Variants in ZDHHC7 observed in about 807,000 individuals in gnomAD.
The protein encoded by ZDHHC7 is palmitoyltransferase ZDHHC7.
Under a neutral mutation model 34.1 loss-of-function variants are expected in ZDHHC7, and 12 were observed. The ratio of observed to expected loss-of-function variants is 0.35; its 90% confidence interval spans 0.23 to 0.57. The LOEUF (loss-of-function observed/expected upper bound fraction) is 0.57, where lower values mean the gene tolerates loss of function less well. Ranked by LOEUF, ZDHHC7 falls within the 20% of genes least tolerant of loss-of-function variation. The probability of loss-of-function intolerance (pLI) is 0.84; values close to 1 mark genes in which losing one functional copy is unlikely to be tolerated. For missense variants in ZDHHC7, 388 were observed against 402.7 expected (o/e 0.96, Z 0.31); for synonymous variants, 185 against 155.4 (o/e 1.19, Z -1.42).
At chr16:84,990,664 A>T in intron 2 of ZDHHC7, 29 bp from the exon 3 acceptor site, 1 of 1,569,326 alleles carries the variant, frequency 6.4e-7, no homozygotes, top group Non-Finnish European at 8.7e-7. Context: ...CAGAGCTGGT[A>T]AGGCTCAAAA....
intron 3 of ZDHHC7, among the ~76,000 whole-genome samples, chr16:84,985,065 T>A (rs1448829734): frequency 6.6e-6 from 1 of 152,220 alleles, no homozygotes; most frequent in Non-Finnish European, 1.5e-5. Context: ...TCTAAAACAC[T>A]TCTTGAATGT....
intron 1 of ZDHHC7, among the ~76,000 whole-genome samples, chr16:84,997,105 G>A (rs914388770): frequency 5.3e-5 from 8 of 151,624 alleles, no homozygotes; most frequent in Non-Finnish European, 8.8e-5. Context: ...TCCAGAACAC[G>A]CACAATGCAC....
At chr16:85,012,861 C>CCT (rs1567510794), upstream of ZDHHC7, among the ~76,000 whole-genome samples, 1 of 152,058 alleles carries the variant, frequency 6.6e-6, no homozygotes, top group African/African-American at 2.4e-5. Flanking sequence ...GGGCCGAGAT[C>CCT]GCGCCATTGC....
At chr16:85,008,030 C>T (rs956942143) in intron 1 of ZDHHC7, among the ~76,000 whole-genome samples, 9 of 151,906 alleles carry the variant, frequency 5.9e-5, no homozygotes, top group African/African-American at 2.2e-4. Flanking sequence ...TAGAAGAAAC[C>T]ACTTGAGCCC....
intron 2 of ZDHHC7, among the ~76,000 whole-genome samples, chr16:84,991,821 C>A (rs2072513309): frequency 6.6e-6 from 1 of 151,972 alleles, no homozygotes; most frequent in African/African-American, 2.4e-5. Context: ...TTAATCCATT[C>A]TTTTGCAAGC....
the ZDHHC7 span, among the ~76,000 whole-genome samples, chr16:85,021,973 G>A: frequency 2.7e-4 from 40 of 150,782 alleles, no homozygotes; most frequent in African/African-American, 7.8e-4. Context: ...TGGCCAACAC[G>A]GTGAAACCCT....
At chr16:84,987,569 C>T (rs1208817854) in intron 3 of ZDHHC7, among the ~76,000 whole-genome samples, 1 of 151,962 alleles carries the variant, frequency 6.6e-6, no homozygotes, top group Non-Finnish European at 1.5e-5. Flanking sequence ...CACAGAGTCA[C>T]CATATGTCCC....
Position 84,979,250 on chromosome 16 carries a change from T to C in ZDHHC7, c.476A>G (p.His159Arg), listed in dbSNP as rs1460042801. Residue 159 changes from histidine to arginine, a missense_variant, in exon 5 of 8, where the codon CAC becomes CGC. By Grantham distance (29) the His-to-Arg change is conservative. Coordinates refer to ENST00000313732, the MANE Select transcript of ZDHHC7 (RefSeq NM_017740.3). The stretch of plus-strand genomic sequence containing the variant: ...TACACAATTGTTCACCCACGGGCAG[T>C]GATGATCCATTTTCCGAATACATCT... The part of the protein sequence containing the change: ...CKRCIRKMDH[H>R]CPWVNNCVGE... 1 of 1,610,016 alleles carries C rather than the reference T, an allele frequency of 6.2e-7. No homozygotes were observed. The highest frequency in any genetic ancestry group is 8.5e-7 in the Non-Finnish European group (1 of 1,179,356).
upstream of ZDHHC7, among the ~76,000 whole-genome samples, chr16:85,013,748 G>A (rs1305785546): frequency 1.3e-5 from 2 of 152,056 alleles, no homozygotes; most frequent in African/African-American, 4.8e-5. Flanking sequence ...GAGTGCAGTG[G>A]TGTGATCTCA....
the ZDHHC7 span, among the ~76,000 whole-genome samples, chr16:85,022,675 C>T: frequency 6.6e-6 from 1 of 152,072 alleles, no homozygotes; most frequent in Admixed American, 6.6e-5. Flanking sequence ...CCACAAATTT[C>T]TGATTACTTA....
At chr16:85,007,195 A>G (rs941558696) in intron 1 of ZDHHC7, among the ~76,000 whole-genome samples, 12 of 151,962 alleles carry the variant, frequency 7.9e-5, no homozygotes, top group African/African-American at 2.7e-4. Flanking sequence ...AGGCCAAGGC[A>G]GGTGGATCAC....
intron 1 of ZDHHC7, among the ~76,000 whole-genome samples, chr16:85,000,330 CAGACCCTGTCT>C (rs1180379080): frequency 1.3e-5 from 2 of 152,246 alleles, no homozygotes; most frequent in East Asian, 3.9e-4. Flanking sequence ...TTCCTGAGTC[CAGACCCTGTCT>C]TGGATTTACT....
At chr16:85,022,645 A>G in the ZDHHC7 span, among the ~76,000 whole-genome samples, 1 of 152,192 alleles carries the variant, frequency 6.6e-6, no homozygotes, top group Non-Finnish European at 1.5e-5. Context: ...GGGTATCTAA[A>G]TAGTCTCAAA....
chr16:84,991,437 C>G (rs371535205), intron 2 of ZDHHC7, among the ~76,000 whole-genome samples: 1 of 151,450 alleles, frequency 6.6e-6, no homozygotes, highest in Non-Finnish European at 1.5e-5. Context: ...AGGCGCCCAC[C>G]ACCACACCTA....
At chr16:85,010,320 C>A (rs182519038) in intron 1 of ZDHHC7, among the ~76,000 whole-genome samples, 40 of 152,268 alleles carry the variant, frequency 2.6e-4, no homozygotes, top group Middle Eastern at 3.4e-3. Context: ...CGAGCCACCG[C>A]GTGCGTACCA....
chr16:84,976,212 G>A lies in ZDHHC7; in HGVS notation c.*131C>T. The A allele has an allele frequency of 1.7e-6, 2 of 1,156,304 alleles. No individual in the cohort carries two copies. The highest frequency in any genetic ancestry group is 2.5e-6 in the Non-Finnish European group (2 of 809,236). The allele number at this position is 1,156,304 out of a possible 1,614,324, so 71.6% of individuals were successfully genotyped here. On this transcript the variant is annotated 3_prime_UTR_variant, in exon 8 of 8. Coordinates refer to ENST00000313732, the MANE Select transcript of ZDHHC7 (RefSeq NM_017740.3). ...TGTGACTATAAATATATAAAACTCT[G>A]CTTGCTGCAAGCAATTGGTTTGTGT...
chr16:85,010,433 T>C (rs952972973), intron 1 of ZDHHC7, among the ~76,000 whole-genome samples: 10 of 152,184 alleles, frequency 6.6e-5, no homozygotes, highest in African/African-American at 2.4e-4. Flanking sequence ...GAAAGAAATA[T>C]TAATACACAT....
At chr16:85,016,625 T>C in the ZDHHC7 span, among the ~76,000 whole-genome samples, 5 of 151,396 alleles carry the variant, frequency 3.3e-5, no homozygotes, top group African/African-American at 1.2e-4. Flanking sequence ...TGGTTAATTT[T>C]TTTTTTTTTT....
intron 5 of ZDHHC7, 173 bp from the exon 6 acceptor site, chr16:84,978,178 C>T (rs1475053057): frequency 7.9e-6 from 4 of 509,160 alleles, no homozygotes; most frequent in Non-Finnish European, 1.4e-5. Flanking sequence ...GCTGAGACTA[C>T]AAGCACCATG....
Sources: allele counts gnomAD v4.1 joint callset (sites outside exome capture counted in the v4.1 genomes callset), GRCh38; gene constraint gnomAD v4.1.1; transcripts MANE v1.5; gene names NCBI Gene and HGNC (gene_info 2026-07-23, HGNC 2026-07-21).